GNG4: variants seen among roughly 807,000 people sequenced by gnomAD.
GNG4 encodes the protein G protein subunit gamma 4.
GNG4 carries 4 observed loss-of-function variants against 5.8 expected under a neutral mutation model. The ratio of observed to expected loss-of-function variants is 0.69; its 90% CI spans 0.34 to 1.57. GNG4 has a LOEUF of 1.57. GNG4 is among the 40% of genes most tolerant of loss of function. GNG4 has a pLI of 0.06. For synonymous variants in GNG4, 29 were observed against 32.9 expected (o/e 0.88, Z 0.41); for missense variants, 96 against 95.1 (o/e 1.01, Z -0.04).
intron 1 of GNG4, among the ~76,000 whole-genome samples, chr1:235,607,698 A>C (rs909957697): frequency 6.6e-6 from 1 of 152,266 alleles, no homozygotes; most frequent in East Asian, 1.9e-4. Context: ...TCCCATCGGC[A>C]CGGCTTTTCA....
intron 3 of GNG4, among the ~76,000 whole-genome samples, chr1:235,579,148 T>C (rs1214225736): frequency 6.6e-6 from 1 of 151,942 alleles, no homozygotes; most frequent in East Asian, 1.9e-4. Flanking sequence ...AGAGGTTTAT[T>C]GCACATCATG....
At chr1:235,580,023 C>A (rs1687589396) in intron 3 of GNG4, among the ~76,000 whole-genome samples, 1 of 152,062 alleles carries the variant, frequency 6.6e-6, no homozygotes, top group African/African-American at 2.4e-5. Flanking sequence ...AGGTGTCCAT[C>A]AATGGATGAA....
intron 1 of GNG4, among the ~76,000 whole-genome samples, chr1:235,630,440 C>G (rs1156626611): frequency 6.6e-6 from 1 of 152,238 alleles, no homozygotes; most frequent in Non-Finnish European, 1.5e-5. Flanking sequence ...ATGCCACGCT[C>G]TCATCACTTA....
chr1:235,614,873 C>G (rs1688556118), intron 1 of GNG4: 1 of 152,316 alleles, frequency 6.6e-6, no homozygotes, highest in South Asian at 2.1e-4. Context: ...TCCTGCTCAA[C>G]TACCTGGAAT....
At chr1:235,555,939 C>T (rs1234750998) in intron 3 of GNG4, among the ~76,000 whole-genome samples, 1 of 152,030 alleles carries the variant, frequency 6.6e-6, no homozygotes, top group African/African-American at 2.4e-5. Context: ...GCGATCTCAG[C>T]TCACTGTAAC....
chr1:235,613,059 G>A (rs968854809), intron 1 of GNG4, among the ~76,000 whole-genome samples: 4 of 151,390 alleles, frequency 2.6e-5, no homozygotes, highest in African/African-American at 7.3e-5. Flanking sequence ...ACCTCCTAAA[G>A]CCCCAGTACT....
chr1:235,576,416 A>G (rs1056797844), intron 3 of GNG4, among the ~76,000 whole-genome samples: 1 of 152,174 alleles, frequency 6.6e-6, no homozygotes, highest in Admixed American at 6.5e-5. Flanking sequence ...GATGGGTGAG[A>G]AAAAGAATAA....
intron 1 of GNG4, among the ~76,000 whole-genome samples, chr1:235,598,826 A>G (rs1414394062): frequency 6.6e-6 from 1 of 151,814 alleles, no homozygotes; most frequent in Non-Finnish European, 1.5e-5. Flanking sequence ...CCTAGGTTCA[A>G]GTGACTCTCC....
At chr1:235,578,576 T>C (rs930640575) in intron 3 of GNG4, among the ~76,000 whole-genome samples, 6 of 152,146 alleles carry the variant, frequency 3.9e-5, no homozygotes, top group African/African-American at 1.4e-4. Flanking sequence ...ATTTACACAA[T>C]AGAATACTAC....
chr1:235,580,115 C>T (rs1687591626), intron 3 of GNG4, among the ~76,000 whole-genome samples: 1 of 152,192 alleles, frequency 6.6e-6, no homozygotes, highest in Non-Finnish European at 1.5e-5. Context: ...CAGGCTACAA[C>T]ATAGATGGAT....
intron 3 of GNG4, among the ~76,000 whole-genome samples, chr1:235,553,464 A>G (rs1686808938): frequency 6.6e-6 from 1 of 152,220 alleles, no homozygotes; most frequent in Non-Finnish European, 1.5e-5. Context: ...CCAGAATGAT[A>G]AAAATGTTCC....
chr1:235,643,039 CG>C (rs1442647904), intron 1 of GNG4, among the ~76,000 whole-genome samples: 2 of 152,142 alleles, frequency 1.3e-5, no homozygotes, highest in Admixed American at 6.5e-5. Context: ...ACGCTGGGGC[CG>C]GGGCACCCTT....
chr1:235,596,451 C>A (rs1688128173), intron 1 of GNG4, among the ~76,000 whole-genome samples: 3 of 151,590 alleles, frequency 2.0e-5, no homozygotes. Flanking sequence ...GTGGGAGAAT[C>A]ATTTGAACCC....
At position 235,614,177 on chromosome 1, in the gene GNG4, C is replaced by T. The variant is rs571857341; in HGVS notation, c.-122-18666G>A. 9.2e-5 allele frequency among the ~76,000 whole-genome samples: 14 copies of T among 152,206 alleles called. 1 individual carries two copies. In the South Asian group the frequency reaches 2.1e-3, roughly 22 times the overall value. On this transcript the variant is annotated intron_variant, in intron 1 of 3. Coordinates refer to ENST00000391854, the MANE Select transcript of GNG4 (RefSeq NM_001098722.2). ...TGTTTTCCATAGAATTTATCCATTT[C>T]ATTTCAGCTGCTGAATTTATGGCCA...
At chr1:235,616,716 G>A (rs902575346) in intron 1 of GNG4, among the ~76,000 whole-genome samples, 1 of 146,592 alleles carries the variant, frequency 6.8e-6, no homozygotes, top group Non-Finnish European at 1.5e-5. Flanking sequence ...CTTGGAACCA[G>A]TGCTGAAAGA....
At chr1:235,626,529 T>C (rs1688812895) in intron 1 of GNG4, among the ~76,000 whole-genome samples, 1 of 152,002 alleles carries the variant, frequency 6.6e-6, no homozygotes, top group African/African-American at 2.4e-5. Flanking sequence ...CTCTTTAAAT[T>C]CTCACCTAAT....
At chr1:235,570,549 A>G (rs1687307237) in intron 3 of GNG4, among the ~76,000 whole-genome samples, 1 of 151,750 alleles carries the variant, frequency 6.6e-6, no homozygotes, top group South Asian at 2.1e-4. Context: ...GGTGCCCGCC[A>G]TCATGCCCAG....
At chr1:235,595,356 C>G (rs1435436193) in intron 2 of GNG4, 44 bp downstream of exon 2, 1 of 152,384 alleles carries the variant, frequency 6.6e-6, no homozygotes, top group Non-Finnish European at 1.5e-5. Context: ...GCGAAGACAC[C>G]TGCTGTCCTC....
chr1:235,614,540 G>T (rs1439866770), intron 1 of GNG4: 1 of 152,134 alleles, frequency 6.6e-6, no homozygotes, highest in Non-Finnish European at 1.5e-5. Context: ...CTGACACAGG[G>T]ATCAGGGTTC....
Sources: allele counts gnomAD v4.1 joint callset (sites outside exome capture counted in the v4.1 genomes callset), GRCh38; gene constraint gnomAD v4.1.1; transcripts MANE v1.5; gene names NCBI Gene and HGNC (gene_info 2026-07-23, HGNC 2026-07-21).